Variants in TMPRSS11F observed in about 807,000 individuals in gnomAD.
The protein encoded by TMPRSS11F is transmembrane serine protease 11F.
A neutral mutation model predicts 60.2 loss-of-function variants in TMPRSS11F; 47 were observed. The observed-to-expected ratio is 0.78, with a 90% CI of 0.62 to 1.00. The LOEUF is 1.00. TMPRSS11F is among the 50% of genes least tolerant of loss of function. The pLI is 0.00. For synonymous variants in TMPRSS11F, 166 were observed against 167.3 expected (o/e 0.99, Z 0.06); for missense variants, 519 against 522.9 (o/e 0.99, Z 0.07).
chr4:68,114,601 A>G (rs1018216250), intron 1 of TMPRSS11F, among the ~76,000 whole-genome samples: 1 of 152,240 alleles, frequency 6.6e-6, no homozygotes. Flanking sequence ...AGATTCTGCC[A>G]GAAAATAGAA....
chr4:68,074,126 T>C, intron 3 of TMPRSS11F, 117 bp from the exon 4 acceptor site: 2 of 565,084 alleles, frequency 3.5e-6, no homozygotes, highest in Non-Finnish European at 5.8e-6. Context: ...ATCTAGAGAC[T>C]TGGGCAAAAA....
At chr4:68,087,154 C>G (rs543079174) in intron 3 of TMPRSS11F, among the ~76,000 whole-genome samples, 3 of 152,054 alleles carry the variant, frequency 2.0e-5, no homozygotes, top group Admixed American at 6.6e-5. Flanking sequence ...TCTAGCTGCA[C>G]GAAAAGTTAA....
intron 1 of TMPRSS11F, among the ~76,000 whole-genome samples, chr4:68,110,728 T>C (rs558616278): frequency 1.3e-5 from 2 of 152,176 alleles, no homozygotes; most frequent in African/African-American, 2.4e-5. Context: ...TAAACATTAT[T>C]GCTATTATTA....
chr4:68,094,332 A>C (rs1724020344), intron 2 of TMPRSS11F, among the ~76,000 whole-genome samples: 1 of 134,686 alleles, frequency 7.4e-6, no homozygotes, highest in Admixed American at 7.8e-5. Context: ...TCTCACTCAT[A>C]GGTGGGAATT....
intron 1 of TMPRSS11F, among the ~76,000 whole-genome samples, chr4:68,107,532 C>G (rs1455605927): frequency 6.6e-6 from 1 of 151,962 alleles, no homozygotes; most frequent in Non-Finnish European, 1.5e-5. Context: ...TTACAAGGAC[C>G]CTGAGGTAGG....
At chr4:68,113,173 C>T (rs1724443804) in intron 1 of TMPRSS11F, among the ~76,000 whole-genome samples, 1 of 152,110 alleles carries the variant, frequency 6.6e-6, no homozygotes, top group South Asian at 2.1e-4. Context: ...AATTAAATCA[C>T]ACCATAAAGG....
intron 8 of TMPRSS11F, chr4:68,063,282 T>G: frequency 1.8e-6 from 1 of 558,526 alleles, no homozygotes; most frequent in South Asian, 1.4e-5. Context: ...GAGCTCACCA[T>G]GGACCGCACC....
chr4:68,062,236 T>C (rs1025751958), intron 8 of TMPRSS11F: 14 of 409,804 alleles, frequency 3.4e-5, no homozygotes, highest in Non-Finnish European at 6.1e-5. Flanking sequence ...TTTCATAAAA[T>C]TACCGGCTCT....
At chr4:68,054,849 A>G (rs1383533947) in intron 9 of TMPRSS11F, among the ~76,000 whole-genome samples, 1 of 152,150 alleles carries the variant, frequency 6.6e-6, no homozygotes, top group Non-Finnish European at 1.5e-5. Context: ...TTTGAAGTTT[A>G]GGTTAAAAAC....
intron 2 of TMPRSS11F, among the ~76,000 whole-genome samples, chr4:68,091,930 G>T (rs1301814186): frequency 1.3e-5 from 2 of 151,852 alleles, no homozygotes; most frequent in Non-Finnish European, 2.9e-5. Context: ...GGGATTACAG[G>T]GGGACGCCAC....
At chr4:68,087,561 T>G (rs1723838118) in intron 3 of TMPRSS11F, among the ~76,000 whole-genome samples, 1 of 151,868 alleles carries the variant, frequency 6.6e-6, no homozygotes, top group African/African-American at 2.4e-5. Context: ...GAAAAAGAAG[T>G]AGTTAAATAA....
Position 68,117,196 on chromosome 4 carries a change from G to A in TMPRSS11F, c.11+12614C>T, listed in dbSNP as rs182362264. On this transcript the variant is annotated intron_variant, in intron 1 of 9. Transcript: ENST00000356291. ...AAAAATGGACAAATTGGCCAGGCGC[G>A]GTGGCTCACGCTTGTAATCTCAGCA... is the stretch of plus-strand genomic sequence containing the variant. Among the ~76,000 whole-genome samples the A allele has an allele frequency of 5.3e-4, 80 of 152,138 alleles. 2 individuals carry two copies. The South Asian group carries it at 0.013, about 25-fold the overall frequency.
chr4:68,069,960 G>A lies in TMPRSS11F; in HGVS notation c.553+9C>T. 2 of 1,593,902 alleles carry A rather than the reference G, an allele frequency of 1.3e-6. No individual in the cohort carries two copies. Among genetic ancestry groups the A allele is most frequent in the Non-Finnish European group, 1.7e-6 (2 of 1,169,198 alleles). On this transcript the variant is annotated intron_variant, in intron 6 of 9. Coordinates refer to ENST00000356291, the MANE Select transcript of TMPRSS11F (RefSeq NM_207407.2). ...AAATAAACAGTTAATTGTGGGTTTT[G>A]GAACTTACGACTGTTGAGAAGATTC...
At chr4:68,121,272 G>T (rs1355930026) in intron 1 of TMPRSS11F, among the ~76,000 whole-genome samples, 2 of 152,200 alleles carry the variant, frequency 1.3e-5, no homozygotes, top group Middle Eastern at 3.4e-3. Flanking sequence ...TGTTTCTTAA[G>T]GAATCAAATT....
chr4:68,081,256 C>T (rs79499756), intron 3 of TMPRSS11F, among the ~76,000 whole-genome samples: 86 of 152,262 alleles, frequency 5.6e-4, no homozygotes, highest in African/African-American at 2.0e-3. Context: ...TGAGAATTTT[C>T]CAGTCTTTAT....
At chr4:68,067,714 C>T (rs963475630) in intron 7 of TMPRSS11F, among the ~76,000 whole-genome samples, 1 of 152,152 alleles carries the variant, frequency 6.6e-6, no homozygotes, top group Non-Finnish European at 1.5e-5. Context: ...GAAAAAGCAA[C>T]AGATAATCAC....
At chr4:68,056,043 C>A (rs1723036786) in intron 9 of TMPRSS11F, among the ~76,000 whole-genome samples, 1 of 152,046 alleles carries the variant, frequency 6.6e-6, no homozygotes, top group African/African-American at 2.4e-5. Flanking sequence ...ATGTCAAACA[C>A]AATAAAAGCC....
chr4:68,056,582 AT>A (rs2109825021), intron 9 of TMPRSS11F, among the ~76,000 whole-genome samples: 1 of 152,270 alleles, frequency 6.6e-6, no homozygotes, highest in East Asian at 1.9e-4. Flanking sequence ...GATTGAAAGA[AT>A]TATCATTGTT....
At chr4:68,065,083 A>G in intron 7 of TMPRSS11F, 139 bp from the exon 8 acceptor site, 1 of 783,604 alleles carries the variant, frequency 1.3e-6, no homozygotes, top group Non-Finnish European at 1.9e-6. Context: ...TGATAACATA[A>G]TAGGAAAAAA....
Sources: allele counts gnomAD v4.1 joint callset (sites outside exome capture counted in the v4.1 genomes callset), GRCh38; gene constraint gnomAD v4.1.1; transcripts MANE v1.5; gene names NCBI Gene and HGNC (gene_info 2026-07-23, HGNC 2026-07-21).